The following PSG9 variants were observed in gnomAD, a reference collection of about 807,000 sequenced individuals.
PSG9 encodes the protein pregnancy specific beta-1-glycoprotein 9.
PSG9 carries 49 observed loss-of-function variants against 41.9 expected under a neutral mutation model. The ratio of observed to expected loss-of-function variants is 1.17; its 90% CI spans 0.93 to 1.48. The LOEUF is 1.48. PSG9 is among the 40% of genes most tolerant of loss of function. PSG9 has a pLI of 0.00. For synonymous variants in PSG9, 263 were observed against 196.8 expected (o/e 1.34, Z -2.82); for missense variants, 641 against 520.3 (o/e 1.23, Z -2.26).
In PSG9 at chr19:43,258,324, T is replaced by C. The variant is rs2074923; in HGVS notation, c.1121A>G (p.Gln374Arg). The C allele has an allele frequency of 1.9e-6, 3 of 1,592,822 alleles. No homozygotes were observed. Among genetic ancestry groups the C allele is most frequent in the East Asian group, 2.7e-5 (1 of 37,606 alleles). The change falls in exon 5 of 6, where the codon CAA (glutamine) becomes CGA (arginine). Residue 374 changes from glutamine to arginine, a missense_variant. Physicochemically the swap from Gln to Arg is conservative, Grantham distance 43. Coordinates refer to ENST00000270077, the MANE Select transcript of PSG9 (RefSeq NM_002784.5). ...GGGGATAAAGAGCTTTTGTCCTGAT[T>C]GCTGAAACTTCCCATTAATTGTCCA... Reference protein sequence around the residue: ...YFWTINGKFQQSGQKLFIPQI... With the variant: ...YFWTINGKFQRSGQKLFIPQI...
chr19:43,257,600 G>C (rs533927103), intron 5 of PSG9: 5 of 989,810 alleles, frequency 5.1e-6, no homozygotes, highest in Admixed American at 6.0e-5. Context: ...GGGGAGGCTT[G>C]GCTTCAACTG....
intron 3 of PSG9, 100 bp downstream of exon 3, chr19:43,261,760 G>A: frequency 6.2e-7 from 1 of 1,612,870 alleles, no homozygotes; most frequent in South Asian, 1.1e-5. Context: ...TAGGGGTAAA[G>A]GTCTCTGTAC....
In PSG9 at chr19:43,268,037, G is replaced by A. The variant is rs141895164; in HGVS notation, c.177C>T (p.Pro59=). The stretch of plus-strand genomic sequence containing the variant: ...ACCAGAAGTAGCCAGGAAGATTCTG[G>A]GGCAAATTGTGGACAAGTAGAAGAA... ...KDVLLLVHNL[P]QNLPGYFWYK... is the part of the protein sequence containing the mutation. Residue 59 remains proline, a synonymous_variant, in exon 2 of 6, where the codon CCC becomes CCT. Transcript: ENST00000270077. 3.1e-4 allele frequency: 501 copies of A among 1,613,794 alleles called. 6 individuals carry two copies. In the African/African-American group the frequency reaches 5.8e-3, roughly 19 times the overall value.
At chr19:43,265,093 G>A (rs1568418692) in intron 2 of PSG9, among the ~76,000 whole-genome samples, 4 of 152,122 alleles carry the variant, frequency 2.6e-5, no homozygotes, top group African/African-American at 9.7e-5. Flanking sequence ...CTGGACATAG[G>A]TCAGGCTAAC....
At chr19:43,269,264 T>A (rs769331855) in intron 1 of PSG9, 104 bp downstream of exon 1, 17 of 1,581,634 alleles carry the variant, frequency 1.1e-5, no homozygotes, top group Non-Finnish European at 1.4e-5. Context: ...TCAGCCTCCC[T>A]AAGAGCTGGC....
chr19:43,266,119 C>A (rs887866354), intron 2 of PSG9, among the ~76,000 whole-genome samples: 1 of 151,678 alleles, frequency 6.6e-6, no homozygotes, highest in Non-Finnish European at 1.5e-5. Flanking sequence ...GGCAGAGACA[C>A]CATGGCAGTG....
chr19:43,266,304 C>T (rs967842241), intron 2 of PSG9, among the ~76,000 whole-genome samples: 8 of 151,974 alleles, frequency 5.3e-5, no homozygotes, highest in African/African-American at 1.9e-4. Flanking sequence ...GGGTGTCAGC[C>T]TCTGAAGGAC....
intron 3 of PSG9, among the ~76,000 whole-genome samples, chr19:43,261,409 C>G (rs1046754999): frequency 6.6e-6 from 1 of 152,058 alleles, no homozygotes; most frequent in African/African-American, 2.4e-5. Context: ...GGGGAATTCC[C>G]CTGTATGGTA....
chr19:43,257,772 T>G, intron 5 of PSG9: 1 of 1,267,886 alleles, frequency 7.9e-7, no homozygotes, highest in Non-Finnish European at 9.8e-7. Context: ...AGGGGCTTCC[T>G]CCTCTCATCT....
chr19:43,261,389 A>G (rs991208004), intron 3 of PSG9, among the ~76,000 whole-genome samples: 8 of 152,164 alleles, frequency 5.3e-5, no homozygotes, highest in Non-Finnish European at 8.8e-5. Context: ...TCTGTGAGGC[A>G]GGAGAGATTG....
chr19:43,267,540 G>A (rs1477122403), intron 2 of PSG9, among the ~76,000 whole-genome samples: 4 of 152,118 alleles, frequency 2.6e-5, no homozygotes, highest in Non-Finnish European at 5.9e-5. Flanking sequence ...TCCTCCTGCT[G>A]AGTCCCCCCA....
At chr19:43,261,812 T>A in intron 3 of PSG9, 48 bp downstream of exon 3, 1 of 1,614,010 alleles carries the variant, frequency 6.2e-7, no homozygotes, top group Non-Finnish European at 8.5e-7. Flanking sequence ...TCTGGCCATG[T>A]GTATTTGGGA....
intron 3 of PSG9, chr19:43,259,381 T>G: frequency 1.4e-6 from 1 of 709,750 alleles, no homozygotes; most frequent in Non-Finnish European, 2.1e-6. Flanking sequence ...TGTTGGGTCA[T>G]GGACAGACAC....
intron 5 of PSG9, among the ~76,000 whole-genome samples, chr19:43,256,489 A>G (rs575366268): frequency 6.8e-6 from 1 of 147,094 alleles, no homozygotes; most frequent in South Asian, 2.2e-4. Flanking sequence ...CAAGTCAACA[A>G]CAACAAACAT....
chr19:43,253,721 G>A, intron 5 of PSG9, 75 bp from the exon 6 acceptor site: 1 of 909,642 alleles, frequency 1.1e-6, no homozygotes. Context: ...CTTTCCTACA[G>A]GCTCCCAGGA....
chr19:43,261,972 G>T lies in PSG9; in HGVS notation c.597C>A (p.Asn199Lys), dbSNP rs765249465. The change falls in exon 3 of 6, where the codon AAC becomes AAA. Residue 199 changes from asparagine (N) to lysine (K), a missense_variant. By Grantham distance (94) the Asn-to-Lys change is moderately conservative. Transcript: ENST00000270077. ...TGACACCAAATAGATAGAGGGTCCT[G>T]TTGGTTTTGGACAGCTGCAACCTGT... ...VTHRLQLSKT[N>K]RTLYLFGVTK... is the part of the protein sequence containing the mutation. The T allele has an allele frequency of 1.2e-6, 2 of 1,614,066 alleles. No individual in the cohort carries two copies. The highest frequency in any genetic ancestry group is 1.7e-6 in the Non-Finnish European group (2 of 1,179,936).
intron 2 of PSG9, among the ~76,000 whole-genome samples, chr19:43,264,948 T>C (rs1968898014): frequency 6.6e-6 from 1 of 152,078 alleles, no homozygotes. Flanking sequence ...AATGAGTCCA[T>C]GTGCTTTGGG....
intron 2 of PSG9, among the ~76,000 whole-genome samples, chr19:43,267,230 A>G (rs12971301): frequency 0.51 from 77,447 of 151,962 alleles, 21,853 homozygotes; most frequent in East Asian, 0.96. Flanking sequence ...CCCAGATGAG[A>G]CTCTGAGGGC....
In PSG9 at chr19:43,253,665, A is replaced by C. The variant is rs1403297105; in HGVS notation, c.1244-19T>G. ...CAGGGACCTGATTGACAGAAGGCCC[A>C]GGTCAGTGCATTTCAAATTCACTAC... On this transcript the variant is annotated intron_variant, in intron 5 of 5. Transcript: ENST00000270077. The C allele has an allele frequency of 8.2e-7, 1 of 1,213,968 alleles. No individual in the cohort carries two copies. Among genetic ancestry groups the C allele is most frequent in the African/African-American group, 1.6e-5 (1 of 60,774 alleles). The allele number at this position is 1,213,968 out of a possible 1,614,324, so 75.2% of individuals were successfully genotyped here. A position where few individuals can be genotyped will look rare whatever the true frequency, so the allele number is the denominator to read the frequency against.
Sources: allele counts gnomAD v4.1 joint callset (sites outside exome capture counted in the v4.1 genomes callset), GRCh38; gene constraint gnomAD v4.1.1; transcripts MANE v1.5; gene names NCBI Gene and HGNC (gene_info 2026-07-23, HGNC 2026-07-21).